Variants in TENM3 observed in about 807,000 individuals in gnomAD.
TENM3 encodes teneurin-3.
TENM3 carries 63 observed loss-of-function variants against 255.1 expected under a neutral mutation model. The observed-to-expected ratio is 0.25, with a 90% CI of 0.20 to 0.30. TENM3 has a LOEUF of 0.30. Ranked by LOEUF, TENM3 falls within the 10% of genes least tolerant of loss-of-function variation. TENM3 has a pLI of 1.00. For missense variants in TENM3, 2,929 were observed against 3,461.1 expected, an observed-to-expected ratio of 0.85 and a Z score of 3.86; for synonymous variants, 1,306 against 1,322.3, an observed-to-expected ratio of 0.99 and a Z score of 0.27.
At chr4:182,603,257 A>G (rs1432530616) in intron 4 of TENM3, among the ~76,000 whole-genome samples, 1 of 152,202 alleles carries the variant, frequency 6.6e-6, no homozygotes, top group African/African-American at 2.4e-5. Context: ...CTTCCATTTC[A>G]AAGTAATGCC....
the TENM3 span, among the ~76,000 whole-genome samples, chr4:181,503,118 C>T: frequency 0.14 from 21,069 of 151,990 alleles, 1,525 homozygotes; most frequent in East Asian, 0.23. Flanking sequence ...ATTCCAGCAC[C>T]CTGGGAGACC....
chr4:182,723,605 G>A (rs774646546), intron 13 of TENM3, among the ~76,000 whole-genome samples: 2 of 152,110 alleles, frequency 1.3e-5, no homozygotes, highest in Admixed American at 6.5e-5. Context: ...AGCATAGAAG[G>A]TAACCCAGGA....
the TENM3 span, among the ~76,000 whole-genome samples, chr4:181,636,302 C>T: frequency 2.0e-5 from 3 of 152,178 alleles, no homozygotes; most frequent in Non-Finnish European, 2.9e-5. Flanking sequence ...CTCGGCCTCC[C>T]AAAGTGTTGG....
chr4:182,085,573 CTATT>C, the TENM3 span, among the ~76,000 whole-genome samples: 5 of 152,134 alleles, frequency 3.3e-5, no homozygotes, highest in African/African-American at 9.7e-5. Flanking sequence ...ATGTGCCTAT[CTATT>C]AATATTTTTT....
intron 24 of TENM3, among the ~76,000 whole-genome samples, chr4:182,778,897 T>C (rs1461476355): frequency 1.3e-5 from 2 of 151,900 alleles, no homozygotes; most frequent in East Asian, 3.9e-4. Context: ...TAGATTGTTA[T>C]TTAAGTGTGT....
At chr4:181,624,324 A>C in the TENM3 span, among the ~76,000 whole-genome samples, 1 of 152,202 alleles carries the variant, frequency 6.6e-6, no homozygotes, top group East Asian at 1.9e-4. Flanking sequence ...CCAACCACGC[A>C]CTGGCTCTTA....
intron 12 of TENM3, among the ~76,000 whole-genome samples, chr4:182,710,350 A>G (rs910129353): frequency 4.6e-5 from 7 of 152,340 alleles, no homozygotes; most frequent in African/African-American, 1.4e-4. Flanking sequence ...AAGAAATTAT[A>G]TGAATGTTAT....
chr4:181,809,774 T>C, the TENM3 span, among the ~76,000 whole-genome samples: 1 of 152,084 alleles, frequency 6.6e-6, no homozygotes, highest in Non-Finnish European at 1.5e-5. Flanking sequence ...CAAGGGTCCT[T>C]ATAAGCAGGA....
At chr4:181,842,509 C>T in the TENM3 span, among the ~76,000 whole-genome samples, 3 of 152,160 alleles carry the variant, frequency 2.0e-5, no homozygotes, top group South Asian at 6.2e-4. Context: ...TTAATATTTG[C>T]ACCACATTTT....
intron 3 of TENM3, among the ~76,000 whole-genome samples, chr4:182,505,027 A>G (rs984480875): frequency 6.6e-6 from 1 of 152,052 alleles, no homozygotes; most frequent in South Asian, 2.1e-4. Flanking sequence ...ATTTTTTATT[A>G]CATCATAATA....
chr4:181,641,545 G>GGTATGTGT, the TENM3 span, among the ~76,000 whole-genome samples: 1 of 23,946 alleles, frequency 4.2e-5, no homozygotes, highest in African/African-American at 1.7e-4. Flanking sequence ...AGTATTCCAT[G>GGTATGTGT]GTGTGTGTGT....
intron 16 of TENM3, among the ~76,000 whole-genome samples, chr4:182,734,219 A>T (rs1020621201): frequency 1.3e-5 from 2 of 152,158 alleles, no homozygotes; most frequent in African/African-American, 4.8e-5. Flanking sequence ...GGAGGAAAGC[A>T]CGTTTCAGAT....
chr4:181,756,588 T>C, the TENM3 span, among the ~76,000 whole-genome samples: 1 of 152,194 alleles, frequency 6.6e-6, no homozygotes. Context: ...CTTTCTTGCC[T>C]CATGACAGGC....
At chr4:181,731,761 C>T in the TENM3 span, among the ~76,000 whole-genome samples, 86 of 152,302 alleles carry the variant, frequency 5.6e-4, no homozygotes, top group African/African-American at 2.0e-3. Flanking sequence ...GTTGTCTTTG[C>T]TCAGCATACA....
the TENM3 span, among the ~76,000 whole-genome samples, chr4:181,537,551 G>A: frequency 6.6e-6 from 1 of 152,130 alleles, no homozygotes; most frequent in Non-Finnish European, 1.5e-5. Context: ...AGAGAAAAGA[G>A]CAAAGAAAAA....
the TENM3 span, among the ~76,000 whole-genome samples, chr4:181,562,873 C>T: frequency 6.6e-6 from 1 of 152,064 alleles, no homozygotes; most frequent in Non-Finnish European, 1.5e-5. Flanking sequence ...CGGGGTTTCA[C>T]CATGTTGGCC....
In TENM3 at chr4:182,203,704, A is replaced by C. The variant is rs1194600552; in HGVS notation, c.-76+58950A>C. On this transcript the variant is annotated intron_variant, in intron 1 of 2. Coordinates refer to the TENM3 transcript ENST00000512480. ...GAGTAGGGAGAGTTTTGGTGGCTGC[A>C]CTGGAGGGATTTGCTACAGTTCTTG... Among the ~76,000 whole-genome samples, 8 of 152,216 alleles carry C rather than the reference A, an allele frequency of 5.3e-5. No individual in the cohort carries two copies. The East Asian group carries it at 1.6e-3, about 30-fold the overall frequency.
chr4:182,198,929 T>A (rs1023771201), intron 1 of TENM3, among the ~76,000 whole-genome samples: 4 of 152,142 alleles, frequency 2.6e-5, no homozygotes, highest in African/African-American at 9.6e-5. Context: ...AGTCAAATTA[T>A]AACTGAAAAA....
chr4:182,337,953 C>A (rs533116427), intron 2 of TENM3, among the ~76,000 whole-genome samples: 71 of 152,200 alleles, frequency 4.7e-4, no homozygotes, highest in Middle Eastern at 3.4e-3. Context: ...GAAATCAGGA[C>A]AGTGGTTGCC....
Sources: allele counts gnomAD v4.1 joint callset (sites outside exome capture counted in the v4.1 genomes callset), GRCh38; gene constraint gnomAD v4.1.1; transcripts MANE v1.5; gene names NCBI Gene and HGNC (gene_info 2026-07-23, HGNC 2026-07-21).